Variants in NTRK3 observed in about 807,000 individuals in gnomAD.
NTRK3 encodes neurotrophic receptor tyrosine kinase 3, also known as NT-3 growth factor receptor.
Under a neutral mutation model 91.7 loss-of-function variants are expected in NTRK3, and 24 were observed. The ratio of observed to expected loss-of-function variants is 0.26; its 90% CI spans 0.19 to 0.37. The LOEUF is 0.37. Among genes scored for constraint, NTRK3 ranks in the 10% least tolerant of loss-of-function variants. NTRK3 has a pLI of 1.00. For missense variants in NTRK3, 880 were observed against 1,068.9 expected (o/e 0.82, Z 2.46); for synonymous variants, 483 against 404.0 (o/e 1.20, Z -2.34).
intron 6 of NTRK3, among the ~76,000 whole-genome samples, chr15:88,142,539 TCAA>T (rs2042487170): frequency 6.6e-6 from 1 of 152,176 alleles, no homozygotes; most frequent in Admixed American, 6.5e-5. Flanking sequence ...CTGCACAGCA[TCAA>T]CACTTCCAGT....
chr15:88,206,402 T>TA (rs2048773391), intron 3 of NTRK3, among the ~76,000 whole-genome samples: 1 of 145,336 alleles, frequency 6.9e-6, no homozygotes, highest in South Asian at 2.2e-4. Flanking sequence ...CTCACGCCTG[T>TA]AATCCCAGCA....
intron 14 of NTRK3, among the ~76,000 whole-genome samples, chr15:88,012,897 T>A (rs1323228042): frequency 6.6e-6 from 1 of 152,238 alleles, no homozygotes; most frequent in Non-Finnish European, 1.5e-5. Flanking sequence ...CCTGAGAATT[T>A]GCATTTCTAA....
chr15:88,149,683 G>T (rs895053386), intron 5 of NTRK3, among the ~76,000 whole-genome samples: 6 of 152,228 alleles, frequency 3.9e-5, no homozygotes, highest in Non-Finnish European at 5.9e-5. Flanking sequence ...GCCCCATGCA[G>T]CAGCCCAGCT....
intron 17 of NTRK3, among the ~76,000 whole-genome samples, chr15:87,918,060 G>C (rs1400879259): frequency 6.6e-6 from 1 of 151,884 alleles, no homozygotes; most frequent in Non-Finnish European, 1.5e-5. Context: ...ACTGCAAGTG[G>C]CTTTGAGCCT....
At chr15:87,885,576 G>A (rs559353498) in intron 17 of NTRK3, 118 bp downstream of exon 18, 1 of 506,572 alleles carries the variant, frequency 2.0e-6, no homozygotes, top group South Asian at 4.3e-5. Flanking sequence ...ACAAACTAGA[G>A]AGTCCAGAGG....
intron 13 of NTRK3, among the ~76,000 whole-genome samples, chr15:88,075,726 G>C (rs1360442148): frequency 6.6e-6 from 1 of 152,110 alleles, no homozygotes; most frequent in African/African-American, 2.4e-5. Context: ...ATGGTTATTT[G>C]CAACAACAGT....
In NTRK3 at chr15:88,033,054, A is replaced by C. The variant is rs370648566; in HGVS notation, c.1397-9T>G. The C allele has an allele frequency of 4.5e-6, 7 of 1,565,348 alleles. No homozygotes were observed. The highest frequency in any genetic ancestry group is 1.4e-5 in the African/African-American group (1 of 73,808). ...GATGACAGCCACGGGACCTGCACACACCAAGAGAGACGCAGGACCTGGTGA... is the reference window on the plus strand; with the variant it reads ...GATGACAGCCACGGGACCTGCACACCCCAAGAGAGACGCAGGACCTGGTGA... On this transcript the variant is annotated splice_polypyrimidine_tract_variant and intron_variant, in intron 13 of 18. Transcript: ENST00000394480.
chr15:88,249,649 G>T (rs1338713752), intron 3 of NTRK3, among the ~76,000 whole-genome samples: 2 of 152,148 alleles, frequency 1.3e-5, no homozygotes, highest in Non-Finnish European at 2.9e-5. Flanking sequence ...AATGGGAAGA[G>T]CCTCCTTGGG....
intron 13 of NTRK3, among the ~76,000 whole-genome samples, chr15:88,073,743 G>C (rs995588262): frequency 1.3e-5 from 2 of 152,152 alleles, no homozygotes; most frequent in South Asian, 2.1e-4. Context: ...ATCTAAGGAT[G>C]CAAGCCCTGG....
chr15:88,232,290 C>T (rs1246146187), intron 3 of NTRK3, among the ~76,000 whole-genome samples: 1 of 136,532 alleles, frequency 7.3e-6, no homozygotes, highest in Non-Finnish European at 1.6e-5. Flanking sequence ...GCATCCTCTT[C>T]TATCGCCACC....
intron 5 of NTRK3, among the ~76,000 whole-genome samples, chr15:88,166,574 G>A (rs889993286): frequency 1.3e-5 from 2 of 152,202 alleles, no homozygotes; most frequent in African/African-American, 2.4e-5. Context: ...CCCCAGGGAC[G>A]GAACCATGGA....
intron 13 of NTRK3, 42 bp from the exon 14 acceptor site, chr15:88,033,087 T>G (rs371433811): frequency 1.3e-6 from 2 of 1,540,028 alleles, no homozygotes; most frequent in Non-Finnish European, 1.7e-6. Flanking sequence ...TGACGTCACA[T>G]CCGGCCAGTT....
At chr15:88,135,589 C>A (rs2041798002) in intron 9 of NTRK3, among the ~76,000 whole-genome samples, 192 bp from the exon 10 acceptor site, 1 of 152,180 alleles carries the variant, frequency 6.6e-6, no homozygotes, top group African/African-American at 2.4e-5. Context: ...CCTAGATCCA[C>A]CTTAGCTGGA....
At position 88,243,628 on chromosome 15, in the gene NTRK3, G is replaced by A. The variant is rs1416915961; in HGVS notation, c.248+12278C>T. Among the ~76,000 whole-genome samples, 1 of 151,900 alleles carries A rather than the reference G, an allele frequency of 6.6e-6. No homozygotes were observed. The highest frequency in any genetic ancestry group is 2.4e-5 in the African/African-American group (1 of 41,272). On this transcript the variant is annotated intron_variant, in intron 3 of 18. Coordinates refer to ENST00000394480, the Ensembl canonical transcript of NTRK3. This position sits in a 1 kb window ranked among gnomAD's most constrained non-coding sequence, Gnocchi z 4.8. ...TGACACTCAAATTTAAGCTAAAAGAGGCTTTTTTGTCAACCAGACCAACCC... is the reference window on the plus strand; with the variant it reads ...TGACACTCAAATTTAAGCTAAAAGAAGCTTTTTTGTCAACCAGACCAACCC...
intron 17 of NTRK3, among the ~76,000 whole-genome samples, chr15:87,889,597 C>T (rs1329091214): frequency 6.6e-6 from 1 of 151,746 alleles, no homozygotes. Flanking sequence ...TCTATGATTG[C>T]TTTCATAATG....
chr15:87,958,549 T>A (rs1313383448), intron 14 of NTRK3, among the ~76,000 whole-genome samples: 1 of 151,960 alleles, frequency 6.6e-6, no homozygotes, highest in Non-Finnish European at 1.5e-5. Context: ...GTAAGCAGCA[T>A]TCCCATTCAC....
chr15:88,242,957 C>T (rs1294911667), intron 3 of NTRK3, among the ~76,000 whole-genome samples: 1 of 152,234 alleles, frequency 6.6e-6, no homozygotes, highest in East Asian at 1.9e-4. Flanking sequence ...GCCCCTCCAA[C>T]ACCTGCCCTA....
intron 6 of NTRK3, 39 bp from the exon 7 acceptor site, chr15:88,137,600 G>C: frequency 6.2e-7 from 1 of 1,606,918 alleles, no homozygotes; most frequent in Non-Finnish European, 8.5e-7. Flanking sequence ...CCTCTGAACC[G>C]AAGATGGCCC....
intron 17 of NTRK3, among the ~76,000 whole-genome samples, chr15:87,918,022 T>C (rs1286311091): frequency 6.6e-6 from 1 of 152,140 alleles, no homozygotes; most frequent in Non-Finnish European, 1.5e-5. Flanking sequence ...TGTATTTGTT[T>C]GTTTGTTTTC....
Sources: allele counts gnomAD v4.1 joint callset (sites outside exome capture counted in the v4.1 genomes callset), GRCh38; gene constraint gnomAD v4.1.1; non-coding constraint Gnocchi (gnomAD v3.1); transcripts MANE v1.5; gene names NCBI Gene and HGNC (gene_info 2026-07-23, HGNC 2026-07-21).